The following WWOX variants were observed in gnomAD, a reference collection of about 807,000 sequenced individuals.
WWOX encodes WW domain containing oxidoreductase.
WWOX carries 69 observed loss-of-function variants against 46.2 expected under a neutral mutation model. The ratio of observed to expected loss-of-function variants is 1.49; its 90% CI spans 1.23 to 1.82. The LOEUF (loss-of-function observed/expected upper bound fraction) is 1.82. Ranked by LOEUF, WWOX falls within the 40% of genes most tolerant of loss-of-function variation. WWOX has a pLI of 0.00. For synonymous variants in WWOX, 359 were observed against 202.6 expected (o/e 1.77, Z -6.56); for missense variants, 919 against 542.6 (o/e 1.69, Z -6.89).
At chr16:78,203,459 GT>G (rs2036293881) in intron 5 of WWOX, among the ~76,000 whole-genome samples, 1 of 152,160 alleles carries the variant, frequency 6.6e-6, no homozygotes, top group Non-Finnish European at 1.5e-5. Flanking sequence ...TTGGATAGAA[GT>G]TTATGACGGA....
intron 8 of WWOX, among the ~76,000 whole-genome samples, chr16:78,944,791 GT>G (rs776977921): frequency 4.6e-5 from 7 of 152,170 alleles, no homozygotes; most frequent in Non-Finnish European, 7.3e-5. Flanking sequence ...GGCCCTGTAA[GT>G]GAAATTGGAG....
chr16:78,479,942 A>G (rs914441102), intron 8 of WWOX, among the ~76,000 whole-genome samples: 9 of 152,176 alleles, frequency 5.9e-5, no homozygotes, highest in Non-Finnish European at 1.3e-4. Flanking sequence ...CTAAGAGACA[A>G]GAGAAAGGGA....
At chr16:78,342,684 A>G (rs748283489) in intron 5 of WWOX, among the ~76,000 whole-genome samples, 1 of 120,598 alleles carries the variant, frequency 8.3e-6, no homozygotes, top group African/African-American at 2.8e-5. Context: ...ATTCCCAGGC[A>G]TGCTTTCCAC....
chr16:78,728,408 C>T (rs1295547961), intron 8 of WWOX, among the ~76,000 whole-genome samples: 2 of 152,122 alleles, frequency 1.3e-5, no homozygotes. Context: ...ACCATATTTT[C>T]AAACAAAGAG....
At chr16:78,311,483 C>T (rs1205808226) in intron 5 of WWOX, among the ~76,000 whole-genome samples, 4 of 152,090 alleles carry the variant, frequency 2.6e-5, no homozygotes, top group Non-Finnish European at 2.9e-5. Flanking sequence ...GATTCCTCTG[C>T]AGTTGTTGGG....
intron 8 of WWOX, among the ~76,000 whole-genome samples, chr16:78,906,164 C>A (rs2044958410): frequency 6.6e-6 from 1 of 152,138 alleles, no homozygotes; most frequent in South Asian, 2.1e-4. Context: ...GAAACCTCAG[C>A]CATCTAGGGA....
intron 8 of WWOX, among the ~76,000 whole-genome samples, chr16:78,688,980 C>T (rs1315547235): frequency 6.6e-6 from 1 of 152,160 alleles, no homozygotes; most frequent in Non-Finnish European, 1.5e-5. Context: ...TTTGCTTTCC[C>T]TTCCACCATG....
At chr16:78,632,854 G>A (rs71396202) in intron 8 of WWOX, among the ~76,000 whole-genome samples, 2 of 151,646 alleles carry the variant, frequency 1.3e-5, no homozygotes, top group African/African-American at 2.4e-5. Flanking sequence ...CACTGCGCCC[G>A]GCCTACTTGG....
chr16:79,126,502 T>G (rs1452417668), intron 8 of WWOX, among the ~76,000 whole-genome samples: 3 of 152,188 alleles, frequency 2.0e-5, no homozygotes, highest in Non-Finnish European at 4.4e-5. Flanking sequence ...TCTGTGTTCA[T>G]TCTCCCTCCT....
Position 78,672,316 on chromosome 16 carries a change from C to G in WWOX, c.1056+239564C>G, listed in dbSNP as rs2047484370. Reference sequence around the variant, plus strand: ...AGCAGGGGCATTCATCATGAAAATACAGCTCTCAAGGCGGAAGTGCTTGTT... The same window carrying G: ...AGCAGGGGCATTCATCATGAAAATAGAGCTCTCAAGGCGGAAGTGCTTGTT... On this transcript the variant is annotated intron_variant, in intron 8 of 8. Coordinates refer to ENST00000566780, the MANE Select transcript of WWOX (RefSeq NM_016373.4). Among the ~76,000 whole-genome samples the G allele has an allele frequency of 2.6e-5, 4 of 152,192 alleles. No homozygotes were observed. In the South Asian group the frequency reaches 8.3e-4, roughly 31 times the overall value.
chr16:78,915,295 T>G (rs1449659981), intron 8 of WWOX, among the ~76,000 whole-genome samples: 1 of 152,218 alleles, frequency 6.6e-6, no homozygotes, highest in East Asian at 1.9e-4. Flanking sequence ...TCACCTGTCC[T>G]TTATCTTGGC....
chr16:79,013,021 A>G (rs567940035), intron 8 of WWOX, among the ~76,000 whole-genome samples: 140 of 152,286 alleles, frequency 9.2e-4, no homozygotes, highest in African/African-American at 3.1e-3. Context: ...GTGAGCTGAG[A>G]TCGTGCCACT....
intron 8 of WWOX, among the ~76,000 whole-genome samples, chr16:78,482,597 C>T (rs2084522067): frequency 6.6e-6 from 1 of 152,078 alleles, no homozygotes; most frequent in South Asian, 2.1e-4. Flanking sequence ...AAGTGCTTTG[C>T]ATGTGATTTC....
At chr16:79,125,518 G>A (rs1462136807) in intron 8 of WWOX, among the ~76,000 whole-genome samples, 1 of 152,182 alleles carries the variant, frequency 6.6e-6, no homozygotes, top group Non-Finnish European at 1.5e-5. Flanking sequence ...TCAAATGATA[G>A]ACATTTCAAC....
At position 79,212,575 on chromosome 16, in the gene WWOX, T is replaced by TCA. The variant is rs1035144753; in HGVS notation, c.*782_*783dup. 1 of 163,856 alleles carries TCA rather than the reference T, an allele frequency of 6.1e-6. No individual in the cohort carries two copies. The highest frequency in any genetic ancestry group is 1.4e-5 in the Non-Finnish European group (1 of 73,980). The allele number at this position is 163,856 out of a possible 1,614,324, so 10.2% of individuals were successfully genotyped here. ...GTTAGTTAATCCCTTTGTCTGTCAA[T>TCA]CACAGTCTCAGTTCTCTTGCTTTCA... On this transcript the variant is annotated 3_prime_UTR_variant, in exon 9 of 9. Transcript: ENST00000566780.
intron 5 of WWOX, among the ~76,000 whole-genome samples, chr16:78,329,126 G>C (rs550360057): frequency 6.6e-6 from 1 of 152,108 alleles, no homozygotes; most frequent in African/African-American, 2.4e-5. Flanking sequence ...CTCCCAAAGT[G>C]CTGGGATTAC....
At chr16:78,862,371 A>G (rs892571884) in intron 8 of WWOX, among the ~76,000 whole-genome samples, 1 of 151,352 alleles carries the variant, frequency 6.6e-6, no homozygotes, top group East Asian at 1.9e-4. Context: ...ACACTATAGT[A>G]TATAGAGTAT....
chr16:78,219,298 T>C (rs1285259503), intron 5 of WWOX, among the ~76,000 whole-genome samples: 4 of 152,152 alleles, frequency 2.6e-5, no homozygotes, highest in African/African-American at 7.2e-5. Flanking sequence ...GAACATTGAG[T>C]GTTTTGCTCT....
At chr16:78,632,557 A>ATTTTTT (rs545062752) in intron 8 of WWOX, among the ~76,000 whole-genome samples, 28,123 of 73,532 alleles carry the variant, frequency 0.38, 6,679 homozygotes, top group Non-Finnish European at 0.48. Flanking sequence ...TACTTGGCCA[A>ATTTTTT]TTTTTTTTTT....
Sources: gnomAD v4.1 joint callset for allele counts (sites outside exome capture counted in the v4.1 genomes callset) on GRCh38, gnomAD v4.1.1 for gene constraint, MANE v1.5 for transcripts, NCBI Gene and HGNC (gene_info 2026-07-23, HGNC 2026-07-21) for gene names.